The following BCO1 variants were observed in gnomAD, a reference collection of about 807,000 sequenced individuals.
BCO1 encodes beta,beta-carotene 15,15'-dioxygenase.
In BCO1, 54 loss-of-function variants were observed where a neutral mutation model predicts 56.3. The ratio of observed to expected loss-of-function variants is 0.96; its 90% confidence interval spans 0.77 to 1.20. The LOEUF is 1.20. Among genes scored for constraint, BCO1 ranks in the 50% most tolerant of loss-of-function variants. The pLI is 0.00. For synonymous variants in BCO1, 318 were observed against 266.1 expected (o/e 1.20, Z -1.90); for missense variants, 801 against 690.9 (o/e 1.16, Z -1.79).
chr16:81,282,338 G>A (rs997128516), intron 8 of BCO1, among the ~76,000 whole-genome samples: 4 of 152,124 alleles, frequency 2.6e-5, no homozygotes, highest in African/African-American at 7.2e-5. Flanking sequence ...CTGAGATTGC[G>A]CCACTGCACT....
At chr16:81,283,685 C>T (rs1908007369) in intron 8 of BCO1, among the ~76,000 whole-genome samples, 1 of 152,006 alleles carries the variant, frequency 6.6e-6, no homozygotes, top group Non-Finnish European at 1.5e-5. Flanking sequence ...ACATCTGCTT[C>T]CCATCTCAAT....
At position 81,238,814 on chromosome 16, in the gene BCO1, A is replaced by G. The variant is rs1904974897; in HGVS notation, c.-95A>G. On this transcript the variant is annotated 5_prime_UTR_variant, in exon 1 of 11. Coordinates refer to ENST00000258168, the MANE Select transcript of BCO1 (RefSeq NM_017429.3). ...TGAAGGAGGGAAGGAGCAGGAGAGC[A>G]GGAAGGAAACGCAGGAGGAGGGAGC... 5.7e-6 allele frequency: 6 copies of G among 1,056,224 alleles called. No homozygotes were observed. Among genetic ancestry groups the G allele is most frequent in the Non-Finnish European group, 8.9e-6 (6 of 674,066 alleles). 65.4% of individuals were successfully genotyped at this position (1,056,224 alleles called of 1,614,324 possible).
chr16:81,280,765 T>C, intron 7 of BCO1, 92 bp from the exon 8 acceptor site: 1 of 893,708 alleles, frequency 1.1e-6, no homozygotes, highest in Non-Finnish European at 1.8e-6. Flanking sequence ...ATGACATGTA[T>C]TCAAGCATTT....
intron 2 of BCO1, among the ~76,000 whole-genome samples, chr16:81,250,237 G>A (rs11150376): frequency 0.37 from 56,709 of 151,908 alleles, 10,739 homozygotes; most frequent in Middle Eastern, 0.48. Flanking sequence ...AGACATAGAC[G>A]CAATACTCTC....
intron 7 of BCO1, among the ~76,000 whole-genome samples, chr16:81,277,298 GCTTT>G: frequency 6.6e-6 from 1 of 151,966 alleles, no homozygotes; most frequent in Non-Finnish European, 1.5e-5. Context: ...GCTGTGAAGT[GCTTT>G]GCTAATCTTC....
intron 7 of BCO1, among the ~76,000 whole-genome samples, chr16:81,276,493 C>G (rs549065737): frequency 3.9e-4 from 60 of 152,362 alleles, no homozygotes; most frequent in Non-Finnish European, 7.5e-4. Context: ...TGGCTGTTGC[C>G]TTGGTTGTGC....
At chr16:81,261,944 G>C in intron 3 of BCO1, 192 bp from the exon 4 acceptor site, 1 of 606,580 alleles carries the variant, frequency 1.6e-6, no homozygotes, top group Non-Finnish European at 2.9e-6. Flanking sequence ...GGGTTTCACC[G>C]TGTTGGCCAG....
intron 2 of BCO1, among the ~76,000 whole-genome samples, chr16:81,258,608 AG>A (rs1171667988): frequency 6.6e-6 from 1 of 152,234 alleles, no homozygotes; most frequent in Non-Finnish European, 1.5e-5. Flanking sequence ...ACAGGGTGGA[AG>A]GGATGACTGA....
rs1907789751 is a variant in BCO1 at position 81,280,248 on chromosome 16, C to G, written c.1102-609C>G. ...ACTGCACTCCGGACTCCAGTCTGGG[C>G]AACAGAGTGAGACTCCATCTCAAAA... is the stretch of plus-strand genomic sequence containing the variant. On this transcript the variant is annotated intron_variant, in intron 7 of 10. Coordinates refer to ENST00000258168, the MANE Select transcript of BCO1 (RefSeq NM_017429.3). 4.1e-5 allele frequency among the ~76,000 whole-genome samples: 5 copies of G among 122,394 alleles called. No homozygotes were observed. In the South Asian group the frequency reaches 1.4e-3, roughly 34 times the overall value. 80.3% of individuals were successfully genotyped at this position (122,394 alleles called of 152,430 possible).
At chr16:81,267,107 A>G (rs983836110) in intron 5 of BCO1, among the ~76,000 whole-genome samples, 1 of 152,176 alleles carries the variant, frequency 6.6e-6, no homozygotes, top group Non-Finnish European at 1.5e-5. Flanking sequence ...GGCGAGGCAC[A>G]TGGATGACTG....
intron 5 of BCO1, among the ~76,000 whole-genome samples, chr16:81,267,506 G>C (rs1003247167): frequency 1.3e-5 from 2 of 152,150 alleles, no homozygotes; most frequent in African/African-American, 2.4e-5. Context: ...CCAGCTACTC[G>C]GGAGGCTGAG....
chr16:81,258,516 CG>C (rs1156391680), intron 2 of BCO1, among the ~76,000 whole-genome samples: 4 of 152,142 alleles, frequency 2.6e-5, no homozygotes, highest in African/African-American at 9.7e-5. Context: ...CAGGACTGAA[CG>C]GGGCCCTGGG....
intron 1 of BCO1, among the ~76,000 whole-genome samples, chr16:81,239,283 C>G (rs1214574364): frequency 6.6e-6 from 1 of 152,094 alleles, no homozygotes; most frequent in Non-Finnish European, 1.5e-5. Context: ...TCCGAAAGTG[C>G]TAGGATTACA....
chr16:81,268,836 T>A (rs1233842368), intron 6 of BCO1, among the ~76,000 whole-genome samples: 3 of 152,204 alleles, frequency 2.0e-5, no homozygotes, highest in South Asian at 2.1e-4. Context: ...TGGAGTGCAC[T>A]GGTACAATCA....
chr16:81,286,417 G>C (rs1908182993), intron 9 of BCO1, among the ~76,000 whole-genome samples: 1 of 152,090 alleles, frequency 6.6e-6, no homozygotes, highest in South Asian at 2.1e-4. Flanking sequence ...AGGGAAATAG[G>C]CCTATTGGGA....
In BCO1 at chr16:81,290,680, T is replaced by A; in HGVS notation, c.*103T>A. 1.1e-6 allele frequency: 1 copy of A among 896,158 alleles called. No individual in the cohort carries two copies. Among genetic ancestry groups the A allele is most frequent in the Admixed American group, 2.3e-5 (1 of 44,332 alleles). The allele number at this position is 896,158 out of a possible 1,614,324, so 55.5% of individuals were successfully genotyped here. On this transcript the variant is annotated 3_prime_UTR_variant, in exon 11 of 11. Coordinates refer to ENST00000258168, the MANE Select transcript of BCO1 (RefSeq NM_017429.3). Reference sequence around the variant, plus strand: ...GGCCTTTGTTACCTTTTGCACTTATTCTTTCTGTGGGTGCTTTGACAAGGG... The same window carrying A: ...GGCCTTTGTTACCTTTTGCACTTATACTTTCTGTGGGTGCTTTGACAAGGG...
chr16:81,273,364 G>C (rs1030021869), intron 7 of BCO1, among the ~76,000 whole-genome samples: 1 of 152,142 alleles, frequency 6.6e-6, no homozygotes, highest in African/African-American at 2.4e-5. Context: ...AAGAGCCTCA[G>C]ATGGGCCACA....
Position 81,272,444 on chromosome 16 carries a change from A to G in BCO1, c.1101+2028A>G, listed in dbSNP as rs117640353. On this transcript the variant is annotated intron_variant, in intron 7 of 10. Coordinates refer to ENST00000258168, the MANE Select transcript of BCO1 (RefSeq NM_017429.3). ...AGACTGCTTTTCTACCTATTTATGT[A>G]TCGAAACATCTCTCCATGACATTAA... Among the ~76,000 whole-genome samples the G allele has an allele frequency of 7.7e-3, 1,175 of 152,300 alleles. 18 individuals carry two copies. The highest frequency in any genetic ancestry group is 0.048 in the East Asian group (249 of 5,182).
chr16:81,282,593 C>T (rs1434475867), intron 8 of BCO1, among the ~76,000 whole-genome samples: 1 of 151,874 alleles, frequency 6.6e-6, no homozygotes, highest in East Asian at 1.9e-4. Flanking sequence ...CCCCTGGAGT[C>T]TTTAGAAATG....
Sources: allele counts gnomAD v4.1 joint callset (sites outside exome capture counted in the v4.1 genomes callset), GRCh38; gene constraint gnomAD v4.1.1; transcripts MANE v1.5; gene names NCBI Gene and HGNC (gene_info 2026-07-23, HGNC 2026-07-21).